FGF13: variants seen among roughly 807,000 people sequenced by gnomAD.
FGF13 encodes the protein fibroblast growth factor 13.
In FGF13, 2 loss-of-function variants were observed where a neutral mutation model predicts 19.5. The ratio of observed to expected loss-of-function variants is 0.10; its 90% CI spans 0.04 to 0.32. FGF13 has a LOEUF of 0.32. Ranked by LOEUF, FGF13 falls within the 10% of genes least tolerant of loss-of-function variation. The probability of loss-of-function intolerance (pLI) is 1.00; values close to 1 mark genes in which losing one functional copy is unlikely to be tolerated. For synonymous variants in FGF13, 72 were observed against 76.9 expected, an observed-to-expected ratio of 0.94 and a Z score of 0.33; for missense variants, 113 against 192.7, an observed-to-expected ratio of 0.59 and a Z score of 2.45.
rs375344518 is a variant in FGF13 at position 139,123,967 on chromosome X, A to G, written c.-113+79449T>C. 8.9e-5 allele frequency among the ~76,000 whole-genome samples: 10 copies of G among 112,297 alleles called. No homozygotes were observed. In the East Asian group the frequency reaches 2.5e-3, roughly 29 times the overall value. On this transcript the variant is annotated intron_variant, in intron 1 of 2. Coordinates refer to the FGF13 transcript ENST00000421460. The stretch of plus-strand genomic sequence containing the variant: ...AGGGGACGAGGCACAATTGTTGCCT[A>G]TATACGAGTAGGGAGTTTCAGTTCC...
At chrX:138,901,800 C>T (rs947510531) in intron 1 of FGF13, among the ~76,000 whole-genome samples, 20 of 111,730 alleles carry the variant, frequency 1.8e-4, no homozygotes, top group African/African-American at 6.5e-4. Context: ...CTTATAAAAA[C>T]TTCACTAAAA....
chrX:138,917,392 T>C (rs113330365), intron 1 of FGF13, among the ~76,000 whole-genome samples: 2,668 of 111,845 alleles, frequency 0.024, 83 homozygotes, highest in African/African-American at 0.081. Context: ...AAGGTAGCGA[T>C]CTGCAACCAA....
intron 3 of FGF13, among the ~76,000 whole-genome samples, chrX:138,839,769 C>T (rs2091136836): frequency 1.8e-5 from 2 of 111,560 alleles, no homozygotes; most frequent in African/African-American, 6.5e-5. Flanking sequence ...TCTTAAACAA[C>T]AGTTCAAGTC....
chrX:138,928,849 A>G (rs1285879642), intron 1 of FGF13, among the ~76,000 whole-genome samples: 1 of 111,121 alleles, frequency 9.0e-6, no homozygotes, highest in Admixed American at 9.6e-5. Flanking sequence ...ATATAGACCC[A>G]CCATATCTTT....
At position 139,186,823 on chromosome X, in the gene FGF13, C is replaced by A. The variant is rs775195013; in HGVS notation, c.-113+16593G>T. Among the ~76,000 whole-genome samples, 5 of 111,448 alleles carry A rather than the reference C, an allele frequency of 4.5e-5. No homozygotes were observed. In the South Asian group the frequency reaches 1.9e-3, roughly 43 times the overall value. The stretch of plus-strand genomic sequence containing the variant: ...CTCTCTGCTTGAAATTCTCTTTGTC[C>A]TCCTCTTTGCCAGGCCAGGTCCTAA... On this transcript the variant is annotated intron_variant, in intron 1 of 2. Transcript: ENST00000421460.
At position 138,867,782 on chromosome X, in the gene FGF13, AATCTATCTATCT is replaced by A. The variant is rs11461039; in HGVS notation, c.-112-3144_-112-3133del. 3.7e-3 allele frequency among the ~76,000 whole-genome samples: 349 copies of A among 94,477 alleles called. 2 individuals carry two copies. Among genetic ancestry groups the A allele is most frequent in the South Asian group, 0.017 (31 of 1,785 alleles). 82.0% of individuals were successfully genotyped at this position (94,477 alleles called of 115,157 possible). On this transcript the variant is annotated intron_variant, in intron 1 of 2. Coordinates refer to the FGF13 transcript ENST00000421460. ...CAGCCAAACCGTATCACTGTCTCTA[AATCTATCTATCT>A]ATCTATCTATCTATCTATCTATCTA...
chrX:138,651,944 C>T (rs997173904), intron 3 of FGF13, among the ~76,000 whole-genome samples: 1 of 111,238 alleles, frequency 9.0e-6, no homozygotes, highest in African/African-American at 3.3e-5. Context: ...CATTAATTTA[C>T]AATATAAAGC....
chrX:139,137,531 T>C (rs1055157616), intron 1 of FGF13, among the ~76,000 whole-genome samples: 1 of 112,070 alleles, frequency 8.9e-6, no homozygotes, highest in Non-Finnish European at 1.9e-5. Context: ...CCAGATGTAC[T>C]GCCACACTCA....
intron 1 of FGF13, among the ~76,000 whole-genome samples, chrX:139,111,567 ACT>A (rs1222640543): frequency 1.4e-4 from 16 of 111,715 alleles, no homozygotes; most frequent in African/African-American, 3.9e-4. Context: ...ATCAATATTA[ACT>A]CTATTTTATA....
At chrX:138,733,552 C>A (rs1259998685) in intron 1 of FGF13, among the ~76,000 whole-genome samples, 1 of 111,334 alleles carries the variant, frequency 9.0e-6, no homozygotes, top group African/African-American at 3.3e-5. Context: ...ATTACATGAA[C>A]CAAAGACTGG....
At chrX:139,172,368 C>T (rs1195329184) in intron 1 of FGF13, among the ~76,000 whole-genome samples, 1 of 111,635 alleles carries the variant, frequency 9.0e-6, no homozygotes. Context: ...GCCCTGCCAA[C>T]AGCCTTGTTT....
At chrX:138,721,769 A>T (rs1366829313) in intron 1 of FGF13, among the ~76,000 whole-genome samples, 1 of 110,154 alleles carries the variant, frequency 9.1e-6, no homozygotes, top group Non-Finnish European at 1.9e-5. Flanking sequence ...TATGAATGGC[A>T]TACAAAATCA....
chrX:138,980,706 G>A (rs1330245179), intron 1 of FGF13, among the ~76,000 whole-genome samples: 4 of 95,544 alleles, frequency 4.2e-5, no homozygotes, highest in Admixed American at 1.2e-4. Context: ...TTGCATTAAT[G>A]GCAAGGAAAG....
intron 1 of FGF13, among the ~76,000 whole-genome samples, chrX:138,945,412 C>CA (rs1208546572): frequency 1.8e-5 from 2 of 110,325 alleles, no homozygotes; most frequent in African/African-American, 3.3e-5. Context: ...CAGGCAGCAA[C>CA]AAAAAAAGGT....
At chrX:138,812,932 A>T (rs900261599) in intron 3 of FGF13, among the ~76,000 whole-genome samples, 5 of 110,785 alleles carry the variant, frequency 4.5e-5, no homozygotes, top group Non-Finnish European at 7.6e-5. Context: ...CCCACTTATG[A>T]GTGAGAACAT....
At chrX:138,761,333 ACT>A (rs917623674) in intron 3 of FGF13, among the ~76,000 whole-genome samples, 4 of 110,929 alleles carry the variant, frequency 3.6e-5, no homozygotes, top group African/African-American at 1.3e-4. Flanking sequence ...ACAATTTTTT[ACT>A]CTCATTACTA....
At chrX:139,183,991 A>G (rs761772543) in intron 1 of FGF13, among the ~76,000 whole-genome samples, 2 of 112,107 alleles carry the variant, frequency 1.8e-5, no homozygotes, top group Non-Finnish European at 3.8e-5. Context: ...AATGGTCTAA[A>G]GTAGCTCAAG....
intron 1 of FGF13, among the ~76,000 whole-genome samples, chrX:139,001,993 G>A (rs2092075491): frequency 9.0e-6 from 1 of 111,718 alleles, no homozygotes; most frequent in Admixed American, 9.5e-5. Context: ...AATGCACCAA[G>A]GAATACTATG....
chrX:138,996,097 T>G (rs1271509634), intron 1 of FGF13, among the ~76,000 whole-genome samples: 3 of 111,913 alleles, frequency 2.7e-5, no homozygotes, highest in African/African-American at 9.8e-5. Context: ...TCTGGTCTGC[T>G]GCTCCCAGTG....
Sources: gnomAD v4.1 joint callset for allele counts (sites outside exome capture counted in the v4.1 genomes callset) on GRCh38, gnomAD v4.1.1 for gene constraint, MANE v1.5 for transcripts, NCBI Gene and HGNC (gene_info 2026-07-23, HGNC 2026-07-21) for gene names.